Variants in PUM2 observed in about 807,000 individuals in gnomAD.
The protein encoded by PUM2 is pumilio RNA binding family member 2.
In PUM2, 57 loss-of-function variants were observed where a neutral mutation model predicts 124.5. That is an observed-to-expected ratio of 0.46 (90% CI 0.37 to 0.57). The LOEUF (loss-of-function observed/expected upper bound fraction) is 0.57. Ranked by LOEUF, PUM2 falls within the 20% of genes least tolerant of loss-of-function variation. PUM2 has a pLI of 0.00. For missense variants in PUM2, 1,065 were observed against 1,290.6 expected, an observed-to-expected ratio of 0.83 and a Z score of 2.68; for synonymous variants, 460 against 446.1, an observed-to-expected ratio of 1.03 and a Z score of -0.39.
At chr2:20,331,882 AG>A (rs1684994282) in intron 1 of PUM2, 1 of 152,210 alleles carries the variant, frequency 6.6e-6, no homozygotes, top group African/African-American at 2.4e-5. Context: ...TAGGCTTTGC[AG>A]GCCATATGAT....
chr2:20,310,204 T>A (rs1679295674), intron 5 of PUM2, among the ~76,000 whole-genome samples: 1 of 152,068 alleles, frequency 6.6e-6, no homozygotes, highest in Non-Finnish European at 1.5e-5. Context: ...TACTGTCAAG[T>A]AGTAACTAAT....
intron 13 of PUM2, among the ~76,000 whole-genome samples, chr2:20,277,875 A>G (rs1363125771): frequency 6.6e-6 from 1 of 152,166 alleles, no homozygotes; most frequent in Non-Finnish European, 1.5e-5. Flanking sequence ...ACAGCCCCTG[A>G]TATCCAAAGC....
chr2:20,326,338 G>A (rs966499796), intron 2 of PUM2: 12 of 1,303,998 alleles, frequency 9.2e-6, no homozygotes, highest in Non-Finnish European at 1.1e-5. Flanking sequence ...GCTAGCTGCA[G>A]GGTGCCCTCT....
At chr2:20,329,390 C>T (rs1411448349) in intron 1 of PUM2, among the ~76,000 whole-genome samples, 1 of 149,516 alleles carries the variant, frequency 6.7e-6, no homozygotes, top group Non-Finnish European at 1.5e-5. Flanking sequence ...CATGAGCGTA[C>T]CACTGCACTC....
At position 20,280,290 on chromosome 2, in the gene PUM2, G is replaced by A. The variant is rs555686564; in HGVS notation, c.1721-1471C>T. ...TTTCTGAGACTGATCATGTTTTGTT[G>A]AAGATTTTACATTTTAAGATATCAT... On this transcript the variant is annotated intron_variant, in intron 12 of 20. Transcript: ENST00000361078. Among the ~76,000 whole-genome samples the A allele has an allele frequency of 7.9e-5, 12 of 152,156 alleles. No homozygotes were observed. The East Asian group carries it at 2.3e-3, about 29-fold the overall frequency.
At chr2:20,345,626 C>A (rs1688102707) in intron 1 of PUM2, among the ~76,000 whole-genome samples, 1 of 151,788 alleles carries the variant, frequency 6.6e-6, no homozygotes, top group Non-Finnish European at 1.5e-5. Flanking sequence ...GTAATCCCAG[C>A]ATTTTGGGAG....
At chr2:20,270,217 T>A (rs1160165642) in intron 13 of PUM2, among the ~76,000 whole-genome samples, 1 of 152,248 alleles carries the variant, frequency 6.6e-6, no homozygotes, top group African/African-American at 2.4e-5. Flanking sequence ...CTGTCAGATT[T>A]GGCCTAAATT....
At position 20,308,354 on chromosome 2, in the gene PUM2, C is replaced by A; in HGVS notation, c.749G>T (p.Gly250Val). The part of the protein sequence containing the change: ...PGNQVPMDSS[G>V]ATVGLFDYNS... ...GTAGTCAAAAAGGCCTACAGTAGCTCCTGAAGAGTCCATTGGTACCTGATT... is the reference window on the plus strand; with the variant it reads ...GTAGTCAAAAAGGCCTACAGTAGCTACTGAAGAGTCCATTGGTACCTGATT... The change falls in exon 6 of 21, where the codon GGA becomes GTA. Residue 250 changes from glycine to valine, a missense_variant. Coordinates refer to ENST00000361078, the MANE Select transcript of PUM2 (RefSeq NM_015317.5). 1 of 1,613,998 alleles carries A rather than the reference C, an allele frequency of 6.2e-7. No individual in the cohort carries two copies. The highest frequency in any genetic ancestry group is 8.5e-7 in the Non-Finnish European group (1 of 1,179,920).
rs764475260 is a variant in PUM2 at position 20,263,266 on chromosome 2, G to A, written c.2152C>T (p.Arg718Cys). The change falls in exon 14 of 21, where the codon CGC (arginine) becomes TGC (cysteine). Residue 718 changes from arginine (R) to cysteine (C), a missense_variant. Physicochemically the swap from Arg to Cys is radical, Grantham distance 180. This residue lies in a region of PUM2 where 968 missense variants were observed against 1,159.8 expected (regional missense o/e 0.83). Transcript: ENST00000361078. The stretch of plus-strand genomic sequence containing the variant: ...TCTCTAAGCTGAAGGTTTGGGAAGC[G>A]GTTGTTTCTGAAATCTTCCAATAAT... ...SRLLEDFRNN[R>C]FPNLQLRDLI... The A allele has an allele frequency of 4.3e-6, 7 of 1,611,136 alleles. No individual in the cohort carries two copies. Among genetic ancestry groups the A allele is most frequent in the East Asian group, 2.2e-5 (1 of 44,854 alleles).
intron 13 of PUM2, among the ~76,000 whole-genome samples, chr2:20,273,105 G>T (rs1342727502): frequency 1.3e-5 from 2 of 152,200 alleles, no homozygotes; most frequent in Non-Finnish European, 2.9e-5. Flanking sequence ...AATTACAGGT[G>T]AATTCTTGGT....
intron 1 of PUM2, among the ~76,000 whole-genome samples, chr2:20,341,956 G>C (rs765677192): frequency 6.6e-6 from 1 of 151,752 alleles, no homozygotes; most frequent in Non-Finnish European, 1.5e-5. Context: ...ATGGTGAAAG[G>C]CCGTCTCTAC....
chr2:20,262,309 T>C (rs1666492098), intron 14 of PUM2, among the ~76,000 whole-genome samples: 1 of 152,256 alleles, frequency 6.6e-6, no homozygotes, highest in Admixed American at 6.5e-5. Context: ...CACACGCATA[T>C]GATTTTTTAA....
chr2:20,329,523 T>C lies in PUM2; in HGVS notation c.-18-2145A>G, dbSNP rs139633259. Among the ~76,000 whole-genome samples the C allele has an allele frequency of 4.3e-3, 645 of 151,538 alleles. 8 individuals carry two copies. Among genetic ancestry groups the C allele is most frequent in the African/African-American group, 0.015 (608 of 41,286 alleles). ...TATATACAGACTGGACGGTCTTGGG[T>C]ATGTCTGAAGAACAAAGAGAAGGCT... On this transcript the variant is annotated intron_variant, in intron 1 of 20. Transcript: ENST00000361078.
chr2:20,295,927 C>T (rs909877806), intron 8 of PUM2, among the ~76,000 whole-genome samples: 1 of 152,128 alleles, frequency 6.6e-6, no homozygotes, highest in Non-Finnish European at 1.5e-5. Flanking sequence ...TCCTAGAAAA[C>T]TTAAGTCCAA....
At position 20,278,713 on chromosome 2, in the gene PUM2, A is replaced by G; in HGVS notation, c.1827T>C (p.Phe609=). Reference sequence around the variant, plus strand: ...AGGAGGAAAATCCCAGACTATTGTAAAATGGTTGCCCTATGGGTGCTAGGC... The same window carrying G: ...AGGAGGAAAATCCCAGACTATTGTAGAATGGTTGCCCTATGGGTGCTAGGC... The part of the protein sequence containing the change: ...SSSLAPIGQP[F]YNSLGFSSSP... The change falls in exon 13 of 21, where the codon TTT becomes TTC. Residue 609 remains phenylalanine (F), a synonymous_variant. Coordinates refer to ENST00000361078, the MANE Select transcript of PUM2 (RefSeq NM_015317.5). The G allele has an allele frequency of 6.2e-7, 1 of 1,613,598 alleles. No individual in the cohort carries two copies. The highest frequency in any genetic ancestry group is 1.1e-5 in the South Asian group (1 of 91,052).
chr2:20,269,352 C>T (rs1271016647), intron 13 of PUM2, among the ~76,000 whole-genome samples: 2 of 152,096 alleles, frequency 1.3e-5, no homozygotes, highest in Non-Finnish European at 2.9e-5. Flanking sequence ...AGGCACCCGC[C>T]ACCACGCCCG....
chr2:20,294,826 A>G (rs956485785), intron 8 of PUM2, among the ~76,000 whole-genome samples: 2 of 152,232 alleles, frequency 1.3e-5, no homozygotes, highest in African/African-American at 4.8e-5. Context: ...TTCAGGGAAC[A>G]CAGATTCCAT....
chr2:20,261,422 A>AAAAAAAAAAAAAAAAAAAAAAAAAAAG (rs1666230432), intron 14 of PUM2, among the ~76,000 whole-genome samples: 1 of 144,616 alleles, frequency 6.9e-6, no homozygotes, highest in African/African-American at 2.6e-5. Flanking sequence ...AAAAAAAAAA[A>AAAAAAAAAAAAAAAAAAAAAAAAAAAG]GTGTAGTACA....
Position 20,260,466 on chromosome 2 carries a change from T to C in PUM2, c.2226A>G (p.Arg742=), listed in dbSNP as rs1437541060. ...CTCTCTCTAGTTTTTGCTGTATGAATCTACATAGGGAACATTTTTAATATG... is the reference window on the plus strand; with the variant it reads ...CTCTCTCTAGTTTTTGCTGTATGAACCTACATAGGGAACATTTTTAATATG... ...VEFSQDQHGS[R]FIQQKLERAT... is the part of the protein sequence containing the mutation. The change falls in exon 15 of 21, where the codon AGA becomes AGG. Residue 742 remains arginine (R), a splice_region_variant and synonymous_variant. Coordinates refer to ENST00000361078, the MANE Select transcript of PUM2 (RefSeq NM_015317.5). The C allele has an allele frequency of 6.2e-7, 1 of 1,604,772 alleles. No homozygotes were observed. The highest frequency in any genetic ancestry group is 1.1e-5 in the South Asian group (1 of 90,700).
Sources: allele counts gnomAD v4.1 joint callset (sites outside exome capture counted in the v4.1 genomes callset), GRCh38; gene constraint gnomAD v4.1.1; regional missense constraint gnomAD v4.1.1; transcripts MANE v1.5; gene names NCBI Gene and HGNC (gene_info 2026-07-23, HGNC 2026-07-21).